The following ERAP1 variants were observed in gnomAD, a reference collection of about 807,000 sequenced individuals.
ERAP1 encodes the protein endoplasmic reticulum aminopeptidase 1.
In ERAP1, 86 loss-of-function variants were observed where a neutral mutation model predicts 103.7. The ratio of observed to expected loss-of-function variants is 0.83; its 90% CI spans 0.70 to 0.99. The LOEUF (loss-of-function observed/expected upper bound fraction) is 0.99. ERAP1 is among the 50% of genes least tolerant of loss of function. ERAP1 has a pLI of 0.00. For missense variants in ERAP1, 1,009 were observed against 1,128.4 expected, an observed-to-expected ratio of 0.89 and a Z score of 1.52; for synonymous variants, 398 against 402.4, an observed-to-expected ratio of 0.99 and a Z score of 0.13.
chr5:96,810,492 G>A (rs955333195), upstream of ERAP1, among the ~76,000 whole-genome samples: 1 of 152,168 alleles, frequency 6.6e-6, no homozygotes, highest in African/African-American at 2.4e-5. Context: ...AAATGAGACA[G>A]GTCGGCAACT....
At chr5:96,867,585 T>C in the ERAP1 span, among the ~76,000 whole-genome samples, 1 of 152,126 alleles carries the variant, frequency 6.6e-6, no homozygotes, top group Non-Finnish European at 1.5e-5. Flanking sequence ...GCTGGAAGTA[T>C]CTGCCAGAAT....
At chr5:96,873,758 A>G in the ERAP1 span, 4 of 318,296 alleles carry the variant, frequency 1.3e-5, no homozygotes, top group South Asian at 1.0e-4. Flanking sequence ...AGGGTCTCTT[A>G]TATGGCAGGC....
intron 2 of ERAP1, among the ~76,000 whole-genome samples, chr5:96,802,164 G>T (rs1178308964): frequency 2.6e-5 from 4 of 151,952 alleles, no homozygotes; most frequent in Admixed American, 2.6e-4. Context: ...TTATTCTAAA[G>T]AAATAATTTA....
At chr5:96,847,516 G>T in the ERAP1 span, among the ~76,000 whole-genome samples, 1 of 152,108 alleles carries the variant, frequency 6.6e-6, no homozygotes, top group Non-Finnish European at 1.5e-5. Flanking sequence ...AACAGCAACA[G>T]AATACACATA....
At chr5:96,892,358 T>C in the ERAP1 span, 1 of 1,614,056 alleles carries the variant, frequency 6.2e-7, no homozygotes, top group Non-Finnish European at 8.5e-7. Flanking sequence ...CCTCATTACA[T>C]ATAGGGAGAC....
At chr5:96,909,774 G>GACTT in the ERAP1 span, 1 of 1,613,230 alleles carries the variant, frequency 6.2e-7, no homozygotes, top group Non-Finnish European at 8.5e-7. Flanking sequence ...AGTAGATGTA[G>GACTT]ACTTCTGTCC....
chr5:96,878,067 T>C, the ERAP1 span, among the ~76,000 whole-genome samples: 40 of 152,294 alleles, frequency 2.6e-4, no homozygotes, highest in African/African-American at 9.4e-4. Flanking sequence ...GCAGTAAGAA[T>C]TGATTCCCCC....
chr5:96,822,285 C>T, the ERAP1 span, among the ~76,000 whole-genome samples: 1,136 of 152,080 alleles, frequency 7.5e-3, 14 homozygotes, highest in African/African-American at 0.026. Context: ...TTTGTATTGT[C>T]GTCTGTCTAA....
chr5:96,794,907 G>A lies in ERAP1; in HGVS notation c.919+135C>T, dbSNP rs73144475. 4,546 of 960,102 alleles carry A rather than the reference G, an allele frequency of 4.7e-3. 123 individuals are homozygous for A. The African/African-American group carries it at 0.061, about 13-fold the overall frequency. 59.5% of individuals were successfully genotyped at this position (960,102 alleles called of 1,614,324 possible). On this transcript the variant is annotated intron_variant, in intron 5 of 18. Transcript: ENST00000443439. The stretch of plus-strand genomic sequence containing the variant: ...GAGGAGATGCTCAGAAAGATCAACC[G>A]CAGGTTTGTCACTTGCTGGGGTTTT...
In ERAP1 at chr5:96,774,933, A is replaced by C; in HGVS notation, c.*1463T>G. 1 of 985,182 alleles carries C rather than the reference A, an allele frequency of 1.0e-6. No homozygotes were observed. 61.0% of individuals were successfully genotyped at this position (985,182 alleles called of 1,614,324 possible). On this transcript the variant is annotated 3_prime_UTR_variant, in exon 19 of 19. Coordinates refer to ENST00000443439, the MANE Select transcript of ERAP1 (RefSeq NM_001040458.3). ...ATTTTTCGTACCAATCATCAATCATATTCCCTTATCTTGAAGTTTTTGCCT... is the reference window on the plus strand; with the variant it reads ...ATTTTTCGTACCAATCATCAATCATCTTCCCTTATCTTGAAGTTTTTGCCT...
chr5:96,889,093 AC>A, the ERAP1 span: 1 of 1,450,590 alleles, frequency 6.9e-7, no homozygotes, highest in Non-Finnish European at 9.5e-7. Flanking sequence ...TTGAAAAGAT[AC>A]AGTCTGCCTT....
At chr5:96,860,255 T>C in the ERAP1 span, among the ~76,000 whole-genome samples, 2 of 152,214 alleles carry the variant, frequency 1.3e-5, no homozygotes, top group Middle Eastern at 3.4e-3. Flanking sequence ...AGTTTCACCA[T>C]GTTGGCCAGG....
At chr5:96,881,985 C>CA in the ERAP1 span, among the ~76,000 whole-genome samples, 2 of 90,706 alleles carry the variant, frequency 2.2e-5, no homozygotes, top group East Asian at 8.0e-4. Flanking sequence ...AAATGGGTAT[C>CA]AGGAAGTGAC....
At chr5:96,873,375 T>C in the ERAP1 span, 1 of 456,150 alleles carries the variant, frequency 2.2e-6, no homozygotes, top group Non-Finnish European at 4.4e-6. Flanking sequence ...CTGAAGTTGA[T>C]AATCTGAGGA....
the ERAP1 span, chr5:96,913,353 GAC>G: frequency 6.2e-7 from 1 of 1,614,062 alleles, no homozygotes; most frequent in Non-Finnish European, 8.5e-7. Context: ...AGGTTATCAA[GAC>G]ACAGAACTTG....
the ERAP1 span, among the ~76,000 whole-genome samples, chr5:96,856,662 T>C: frequency 6.6e-6 from 1 of 152,104 alleles, no homozygotes; most frequent in Admixed American, 6.5e-5. Flanking sequence ...CCTCATCCCA[T>C]TAACTGGCCT....
At chr5:96,853,613 G>T in the ERAP1 span, among the ~76,000 whole-genome samples, 2 of 151,906 alleles carry the variant, frequency 1.3e-5, no homozygotes, top group African/African-American at 4.8e-5. Context: ...TCCCAGGAAG[G>T]GTTTTATGAT....
chr5:96,876,922 G>A, the ERAP1 span, among the ~76,000 whole-genome samples: 1 of 152,040 alleles, frequency 6.6e-6, no homozygotes, highest in Non-Finnish European at 1.5e-5. Flanking sequence ...TGTGGATTTT[G>A]AGAAGTCACC....
the ERAP1 span, among the ~76,000 whole-genome samples, chr5:96,828,061 T>C: frequency 6.6e-6 from 1 of 152,238 alleles, no homozygotes; most frequent in East Asian, 1.9e-4. Flanking sequence ...TCTTGTAAAT[T>C]ATTTCAAATT....
Sources: gnomAD v4.1 joint callset for allele counts (sites outside exome capture counted in the v4.1 genomes callset) on GRCh38, gnomAD v4.1.1 for gene constraint, MANE v1.5 for transcripts, NCBI Gene and HGNC (gene_info 2026-07-23, HGNC 2026-07-21) for gene names.